GRID1: variants seen among roughly 807,000 people sequenced by gnomAD.
GRID1 encodes the protein glutamate receptor ionotropic, delta-1.
In GRID1, 28 loss-of-function variants were observed where a neutral mutation model predicts 98.0. That is an observed-to-expected ratio of 0.29 (90% confidence interval 0.21 to 0.39). The LOEUF is 0.39. Among genes scored for constraint, GRID1 ranks in the 10% least tolerant of loss-of-function variants. GRID1 has a pLI of 1.00. For missense variants in GRID1, 1,111 were observed against 1,340.5 expected (o/e 0.83, Z 2.67); for synonymous variants, 553 against 538.5 (o/e 1.03, Z -0.37).
intron 8 of GRID1, among the ~76,000 whole-genome samples, chr10:85,825,412 G>C (rs2131755909): frequency 6.6e-6 from 1 of 151,152 alleles, no homozygotes; most frequent in East Asian, 1.9e-4. Flanking sequence ...ATTTATTTGA[G>C]CTTCTTGTAG....
chr10:85,661,703 A>G (rs60970707), intron 12 of GRID1, among the ~76,000 whole-genome samples: 6,852 of 152,230 alleles, frequency 0.045, 471 homozygotes, highest in African/African-American at 0.15. Context: ...TCAGGTCACT[A>G]TGGGCTTTTC....
chr10:86,080,415 AGGGG>A (rs1564668666), intron 4 of GRID1, among the ~76,000 whole-genome samples: 11,679 of 24,312 alleles, frequency 0.48, 3,459 homozygotes, highest in East Asian at 0.62. Flanking sequence ...AGGGAAGGGG[AGGGG>A]AGGGGAGGGG....
intron 5 of GRID1, among the ~76,000 whole-genome samples, chr10:85,884,424 T>C (rs1462884491): frequency 6.6e-6 from 1 of 152,188 alleles, no homozygotes; most frequent in Non-Finnish European, 1.5e-5. Context: ...TGGCTGTCTC[T>C]TCTTAAGTTT....
At position 85,952,318 on chromosome 10, in the gene GRID1, C is replaced by T. The variant is rs114141339; in HGVS notation, c.727-36079G>A. Among the ~76,000 whole-genome samples the T allele has an allele frequency of 4.8e-3, 732 of 152,334 alleles. 5 individuals are homozygous for T. The highest frequency in any genetic ancestry group is 0.016 in the African/African-American group (684 of 41,574). ...AACAGGCTAAATCTTCAAAACAATT[C>T]ATAGAACAACCAAAAATAGCCTGGT... is the stretch of plus-strand genomic sequence containing the variant. On this transcript the variant is annotated intron_variant, in intron 4 of 15. Coordinates refer to ENST00000327946, the MANE Select transcript of GRID1 (RefSeq NM_017551.3).
intron 2 of GRID1, among the ~76,000 whole-genome samples, chr10:86,217,868 C>T (rs1386519048): frequency 1.3e-5 from 2 of 152,086 alleles, no homozygotes; most frequent in African/African-American, 4.8e-5. Flanking sequence ...CAGTTAGACT[C>T]CTATGGACAG....
chr10:86,196,704 T>C (rs1361373980), intron 3 of GRID1, among the ~76,000 whole-genome samples: 1 of 152,060 alleles, frequency 6.6e-6, no homozygotes, highest in Non-Finnish European at 1.5e-5. Context: ...ACATCTAAAC[T>C]ACATTCCAGT....
chr10:85,887,972 A>G (rs1224595317), intron 5 of GRID1, among the ~76,000 whole-genome samples: 1 of 151,942 alleles, frequency 6.6e-6, no homozygotes, highest in Non-Finnish European at 1.5e-5. Flanking sequence ...TTCCTCCTAC[A>G]GCCTCTTCTA....
At chr10:85,655,872 T>G (rs1205047126) in intron 12 of GRID1, among the ~76,000 whole-genome samples, 2 of 152,194 alleles carry the variant, frequency 1.3e-5, no homozygotes, top group Non-Finnish European at 2.9e-5. Flanking sequence ...ATTCTTGCCT[T>G]CTCAAAGTAC....
chr10:85,674,952 G>A (rs1841127730), intron 12 of GRID1, among the ~76,000 whole-genome samples: 1 of 152,164 alleles, frequency 6.6e-6, no homozygotes, highest in Non-Finnish European at 1.5e-5. Flanking sequence ...TTCCATTGGA[G>A]TTTATTGGAA....
intron 2 of GRID1, among the ~76,000 whole-genome samples, chr10:86,354,718 T>G (rs1254354377): frequency 6.6e-6 from 1 of 152,132 alleles, no homozygotes; most frequent in East Asian, 1.9e-4. Flanking sequence ...TATGGCCAGG[T>G]CCCGGGGAGG....
intron 2 of GRID1, among the ~76,000 whole-genome samples, chr10:86,310,056 C>T (rs571743606): frequency 1.3e-5 from 2 of 152,358 alleles, no homozygotes; most frequent in Non-Finnish European, 2.9e-5. Flanking sequence ...AGCTCCACCA[C>T]CTGCACTGCT....
chr10:86,292,335 A>G (rs1030879220), intron 2 of GRID1, among the ~76,000 whole-genome samples: 1 of 152,244 alleles, frequency 6.6e-6, no homozygotes, highest in Non-Finnish European at 1.5e-5. Context: ...GATTGTCAGG[A>G]CTGACAGCAG....
At chr10:86,219,823 C>A (rs1033032655) in intron 2 of GRID1, among the ~76,000 whole-genome samples, 4 of 152,228 alleles carry the variant, frequency 2.6e-5, no homozygotes, top group African/African-American at 9.6e-5. Flanking sequence ...CAAAGTGACA[C>A]TACGGAAGCT....
At chr10:85,931,795 T>C (rs1426693368) in intron 4 of GRID1, among the ~76,000 whole-genome samples, 1 of 152,240 alleles carries the variant, frequency 6.6e-6, no homozygotes, top group Non-Finnish European at 1.5e-5. Flanking sequence ...ATGTTTAATA[T>C]GAAGCATTAA....
At chr10:86,115,672 C>T (rs1214763001) in intron 4 of GRID1, among the ~76,000 whole-genome samples, 2 of 152,222 alleles carry the variant, frequency 1.3e-5, no homozygotes, top group Non-Finnish European at 2.9e-5. Flanking sequence ...CTTAGCCATT[C>T]TGCTAACCCG....
At chr10:85,966,365 C>T (rs543786762) in intron 4 of GRID1, among the ~76,000 whole-genome samples, 2 of 152,128 alleles carry the variant, frequency 1.3e-5, no homozygotes, top group Non-Finnish European at 2.9e-5. Flanking sequence ...CAGAAAGCTC[C>T]AATATCTTAC....
chr10:86,109,924 G>A (rs533835236), intron 4 of GRID1, among the ~76,000 whole-genome samples: 1 of 151,720 alleles, frequency 6.6e-6, no homozygotes, highest in African/African-American at 2.4e-5. Context: ...TGCATGTCAA[G>A]GGCCTAGCAC....
chr10:85,835,028 A>G (rs1419578909), intron 8 of GRID1, among the ~76,000 whole-genome samples: 2 of 152,226 alleles, frequency 1.3e-5, no homozygotes, highest in African/African-American at 4.8e-5. Flanking sequence ...TTAATTTTTA[A>G]AAAGTAGGAG....
chr10:86,298,868 G>T (rs774582001), intron 2 of GRID1, among the ~76,000 whole-genome samples: 41 of 152,176 alleles, frequency 2.7e-4, no homozygotes, highest in Non-Finnish European at 5.9e-4. Context: ...ATTGGTAATG[G>T]TTTGTTCACC....
Sources: gnomAD v4.1 joint callset for allele counts (sites outside exome capture counted in the v4.1 genomes callset) on GRCh38, gnomAD v4.1.1 for gene constraint, MANE v1.5 for transcripts, NCBI Gene and HGNC (gene_info 2026-07-23, HGNC 2026-07-21) for gene names.